The following ITGB1BP2 variants were observed in gnomAD, a reference collection of about 807,000 sequenced individuals.
ITGB1BP2 encodes integrin subunit beta 1 binding protein 2, also known as integrin beta-1-binding protein 2.
ITGB1BP2 carries 27 observed loss-of-function variants against 32.2 expected under a neutral mutation model. The ratio of observed to expected loss-of-function variants is 0.84; its 90% CI spans 0.62 to 1.16. ITGB1BP2 has a LOEUF of 1.16. ITGB1BP2 is among the 50% of genes most tolerant of loss of function. The pLI, the probability that ITGB1BP2 is intolerant of heterozygous loss-of-function variation, is 0.00. For synonymous variants in ITGB1BP2, 105 were observed against 94.7 expected, an observed-to-expected ratio of 1.11 and a Z score of -0.63; for missense variants, 250 against 267.3, an observed-to-expected ratio of 0.94 and a Z score of 0.45.
At position 71,304,179 on chromosome X, in the gene ITGB1BP2, C is replaced by T; in HGVS notation, c.640-8C>T. ...TCTTACCACCTGCATTTCACATCTT[C>T]TCTTTAGCTCCCAGCATCTTGCCGC... On this transcript the variant is annotated splice_polypyrimidine_tract_variant and splice_region_variant and intron_variant, in intron 8 of 10. Coordinates refer to ENST00000373829, the MANE Select transcript of ITGB1BP2 (RefSeq NM_012278.4). 8.4e-7 allele frequency: 1 copy of T among 1,185,538 alleles called. No homozygotes were observed. The highest frequency in any genetic ancestry group is 1.1e-6 in the Non-Finnish European group (1 of 872,366).
chrX:71,305,300 G>A lies in ITGB1BP2; in HGVS notation c.*108G>A. ...CATCATTGAGCAGCAGGAGGCTGAA[G>A]GAGGGGAGAACAAAATTGTCCAAAC... On this transcript the variant is annotated 3_prime_UTR_variant, in exon 11 of 11. Transcript: ENST00000373829. 1.5e-6 allele frequency: 1 copy of A among 686,339 alleles called. No homozygotes were observed. 56.6% of individuals were successfully genotyped at this position (686,339 alleles called of 1,213,427 possible). A position where few individuals can be genotyped will look rare whatever the true frequency, so the allele number is the denominator to read the frequency against.
At chrX:71,304,159 C>G (rs2031659792) in intron 8 of ITGB1BP2, 28 bp from the exon 9 acceptor site, 1 of 1,085,705 alleles carries the variant, frequency 9.2e-7, no homozygotes, top group African/African-American at 1.8e-5. Flanking sequence ...TTTATTCTTA[C>G]CACCTGCATT....
At chrX:71,302,644 G>T (rs1347991890) in intron 4 of ITGB1BP2, 88 bp downstream of exon 4, 2 of 993,641 alleles carry the variant, frequency 2.0e-6, no homozygotes, top group Admixed American at 7.1e-5. Context: ...GGGAACTAGG[G>T]ACCAGGGATG....
In ITGB1BP2 at chrX:71,302,406, A is replaced by ACTAG; in HGVS notation, c.172-4_172-1dup. The ACTAG allele has an allele frequency of 8.3e-7, 1 of 1,211,050 alleles. No individual in the cohort carries two copies. Among genetic ancestry groups the ACTAG allele is most frequent in the Non-Finnish European group, 1.1e-6 (1 of 895,194 alleles). On this transcript the variant is annotated splice_region_variant and splice_polypyrimidine_tract_variant and intron_variant, in intron 3 of 10. Transcript: ENST00000373829. The stretch of plus-strand genomic sequence containing the variant: ...TCCCTAATCCTATCTCCTTATCTAT[A>ACTAG]CTAGGGCTGTACTATGGGACCACAC...
chrX:71,303,938 G>C, intron 8 of ITGB1BP2, 27 bp downstream of exon 8: 7 of 1,109,397 alleles, frequency 6.3e-6, no homozygotes, highest in Non-Finnish European at 8.6e-6. Context: ...CTGAACTCTT[G>C]ATTAGAACCC....
intron 10 of ITGB1BP2, 22 bp downstream of exon 10, chrX:71,304,626 CAA>C: frequency 8.5e-7 from 1 of 1,172,123 alleles, no homozygotes; most frequent in Non-Finnish European, 1.2e-6. Context: ...CCAGGGGACA[CAA>C]GAGTGGGAGG....
Position 71,303,892 on chromosome X carries a change from G to C in ITGB1BP2, c.620G>C (p.Arg207Thr). Residue 207 changes from arginine (R) to threonine (T), a missense_variant, in exon 8 of 11, where the codon AGA (arginine) becomes ACA (threonine). Transcript: ENST00000373829. ...FLAQPGCRVG[R>T]HDWGKQLPAS... is the part of the protein sequence containing the mutation. Reference sequence around the variant, plus strand: ...GCACAACCAGGGTGCAGAGTCGGTAGACATGACTGGGGGAAGCAGGTAAGC... The same window carrying C: ...GCACAACCAGGGTGCAGAGTCGGTACACATGACTGGGGGAAGCAGGTAAGC... 8.3e-7 allele frequency: 1 copy of C among 1,207,102 alleles called. No individual in the cohort carries two copies. Among genetic ancestry groups the C allele is most frequent in the Non-Finnish European group, 1.1e-6 (1 of 892,847 alleles).
Position 71,303,912 on chromosome X carries a change from G to T in ITGB1BP2, c.639+1G>T. 2 of 1,192,565 alleles carry T rather than the reference G, an allele frequency of 1.7e-6. No individual in the cohort carries two copies. Among genetic ancestry groups the T allele is most frequent in the Non-Finnish European group, 2.3e-6 (2 of 881,722 alleles). ...CGGTAGACATGACTGGGGGAAGCAGGTAAGCCCCAGCTTTCCTGAACTCTT... is the reference window on the plus strand; with the variant it reads ...CGGTAGACATGACTGGGGGAAGCAGTTAAGCCCCAGCTTTCCTGAACTCTT... On this transcript the variant is annotated splice_donor_variant, in intron 8 of 10. Transcript: ENST00000373829. LOFTEE classifies it high-confidence loss of function.
At chrX:71,303,192 T>C (rs1393250376) in intron 4 of ITGB1BP2, 70 bp from the exon 5 acceptor site, 2 of 929,052 alleles carry the variant, frequency 2.2e-6, no homozygotes, top group African/African-American at 3.9e-5. Flanking sequence ...TCCATTACCA[T>C]CGGTGGGAGT....
At chrX:71,303,770 T>C (rs957138057) in intron 7 of ITGB1BP2, 42 bp from the exon 8 acceptor site, 2 of 1,178,121 alleles carry the variant, frequency 1.7e-6, no homozygotes, top group Admixed American at 4.4e-5. Flanking sequence ...TAAGATAATA[T>C]TGGGGGTGAG....
rs757673736 is a variant in ITGB1BP2, at chrX:71,305,012, T to C, written c.864T>C (p.Val288=). 1 of 1,211,479 alleles carries C rather than the reference T, an allele frequency of 8.3e-7. No individual in the cohort carries two copies. Among genetic ancestry groups the C allele is most frequent in the South Asian group, 1.8e-5 (1 of 56,980 alleles). ...QSSVFLMPSR[V]EISLVKADPG... The stretch of plus-strand genomic sequence containing the variant: ...CTGTCTTCTTGATGCCATCTCGGGT[T>C]GAAATCTCCCTGGTCAAGGCTGACC... Residue 288 remains valine (V), a synonymous_variant, in exon 11 of 11, where the codon GTT becomes GTC. Coordinates refer to ENST00000373829, the MANE Select transcript of ITGB1BP2 (RefSeq NM_012278.4).
intron 7 of ITGB1BP2, 35 bp downstream of exon 7, chrX:71,303,732 G>C (rs1472252740): frequency 1.7e-6 from 2 of 1,190,930 alleles, no homozygotes; most frequent in Admixed American, 4.4e-5. Flanking sequence ...ATGAGGCTAT[G>C]AGACAGGTTT....
At position 71,303,841 on chromosome X, in the gene ITGB1BP2, A is replaced by G; in HGVS notation, c.569A>G (p.Gln190Arg). Residue 190 changes from glutamine to arginine, a missense_variant, in exon 8 of 11, where the codon CAG becomes CGG. Physicochemically the swap from Gln to Arg is conservative, Grantham distance 43. Transcript: ENST00000373829. ...AAGTCTTGGAGCTGTTGTGGCATCC[A>G]GACCCTGGATTTTGGGGCATTCTTG... is the stretch of plus-strand genomic sequence containing the variant. ...GMKSWSCCGI[Q>R]TLDFGAFLAQ... is the part of the protein sequence containing the mutation. 8.3e-7 allele frequency: 1 copy of G among 1,209,996 alleles called. No homozygotes were observed.
chrX:71,305,280 T>C lies in ITGB1BP2; in HGVS notation c.*88T>C. 2 of 852,414 alleles carry C rather than the reference T, an allele frequency of 2.3e-6. No homozygotes were observed. Among genetic ancestry groups the C allele is most frequent in the African/African-American group, 2.0e-5 (1 of 50,530 alleles). The allele number at this position is 852,414 out of a possible 1,213,427, so 70.2% of individuals were successfully genotyped here. A position where few individuals can be genotyped will look rare whatever the true frequency, so the allele number is the denominator to read the frequency against. The stretch of plus-strand genomic sequence containing the variant: ...GGATATTGTTGGCCATGTGGCATCA[T>C]TGAGCAGCAGGAGGCTGAAGGAGGG... On this transcript the variant is annotated 3_prime_UTR_variant, in exon 11 of 11. Transcript: ENST00000373829.
At chrX:71,302,373 G>T in intron 3 of ITGB1BP2, 38 bp from the exon 4 acceptor site, 1 of 1,208,719 alleles carries the variant, frequency 8.3e-7, no homozygotes, top group Non-Finnish European at 1.1e-6. Context: ...CCCAATAGAA[G>T]GATTCTATCC....
rs1348116248 is a variant in ITGB1BP2, at chrX:71,305,156, AGAGGAGGAG to A, written c.1011_1019del (p.Glu341_Glu343del). The stretch of plus-strand genomic sequence containing the variant: ...ATTCAGATGATGATCTGAGCTGGAC[AGAGGAGGAG>A]GAAGAGGAGGAAGCAATGGGGGAAT... On this transcript the variant is annotated inframe_deletion, in exon 11 of 11. Coordinates refer to ENST00000373829, the MANE Select transcript of ITGB1BP2 (RefSeq NM_012278.4). 1 of 1,208,282 alleles carries A rather than the reference AGAGGAGGAG, an allele frequency of 8.3e-7. No individual in the cohort carries two copies. Among genetic ancestry groups the A allele is most frequent in the African/African-American group, 1.7e-5 (1 of 57,844 alleles).
intron 10 of ITGB1BP2, 161 bp from the exon 11 acceptor site, chrX:71,304,804 C>A: frequency 2.1e-6 from 1 of 482,689 alleles, no homozygotes; most frequent in East Asian, 3.7e-5. Flanking sequence ...TTTCATCTCT[C>A]ATTTCTTTCC....
chrX:71,301,969 C>A, intron 1 of ITGB1BP2, 99 bp downstream of exon 1: 1 of 902,781 alleles, frequency 1.1e-6, no homozygotes. Context: ...AAGAAACTAC[C>A]TGCCCTAGTT....
At chrX:71,302,374 G>A in intron 3 of ITGB1BP2, 37 bp from the exon 4 acceptor site, 11 of 1,208,504 alleles carry the variant, frequency 9.1e-6, no homozygotes, top group Non-Finnish European at 1.2e-5. Flanking sequence ...CCAATAGAAG[G>A]ATTCTATCCC....
Sources: gnomAD v4.1 joint callset for allele counts on GRCh38, gnomAD v4.1.1 for gene constraint, MANE v1.5 for transcripts, NCBI Gene and HGNC (gene_info 2026-07-23, HGNC 2026-07-21) for gene names.